The following SFR1 variants were observed in gnomAD, a reference collection of about 807,000 sequenced individuals.
SFR1 encodes the protein swi5-dependent recombination DNA repair protein 1 homolog.
Under a neutral mutation model 26.2 loss-of-function variants are expected in SFR1, and 24 were observed. The ratio of observed to expected loss-of-function variants is 0.92; its 90% CI spans 0.66 to 1.29. The LOEUF is 1.29. Ranked by LOEUF, SFR1 falls within the 50% of genes most tolerant of loss-of-function variation. The pLI, the probability that SFR1 is intolerant of heterozygous loss-of-function variation, is 0.00. For missense variants in SFR1, 276 were observed against 270.2 expected (o/e 1.02, Z -0.15); for synonymous variants, 77 against 96.6 (o/e 0.80, Z 1.19).
chr10:104,122,633 T>A, intron 1 of SFR1: 1 of 1,313,278 alleles, frequency 7.6e-7, no homozygotes, highest in Non-Finnish European at 9.7e-7. Context: ...GAAGCTGTCA[T>A]AATAAAGAAT....
chr10:104,121,749 A>G (rs1486088056), upstream of SFR1, among the ~76,000 whole-genome samples: 1 of 152,180 alleles, frequency 6.6e-6, no homozygotes, highest in Admixed American at 6.5e-5. Flanking sequence ...AGACGCACAA[A>G]AACAAGGAAG....
rs1389108470 is a variant in SFR1 at position 104,126,047 on chromosome 10, A to G, written c.*343A>G. On this transcript the variant is annotated 3_prime_UTR_variant, in exon 4 of 4. Transcript: ENST00000369727. The stretch of plus-strand genomic sequence containing the variant: ...CCCAAAACCATTAGGGCTCAGAGGA[A>G]GGTATCCCAATGAATATCAATTAAG... The G allele has an allele frequency of 6.3e-6, 1 of 158,288 alleles. No homozygotes were observed. The highest frequency in any genetic ancestry group is 1.4e-5 in the Non-Finnish European group (1 of 72,082). The allele number at this position is 158,288 out of a possible 1,614,324, so 9.8% of individuals were successfully genotyped here.
intron 1 of SFR1, chr10:104,122,426 C>T (rs991362139): frequency 8.1e-6 from 8 of 985,422 alleles, no homozygotes; most frequent in Non-Finnish European, 9.6e-6. Context: ...CAATTTCAGT[C>T]CACTCTCCTT....
intron 1 of SFR1, chr10:104,122,407 C>G: frequency 1.0e-6 from 1 of 985,396 alleles, no homozygotes; most frequent in Non-Finnish European, 1.2e-6. Flanking sequence ...ATGCCTTTGT[C>G]GGAGGAAGCA....
Position 104,122,948 on chromosome 10 carries a change from T to C in SFR1, c.14-17T>C. On this transcript the variant is annotated splice_polypyrimidine_tract_variant and intron_variant, in intron 1 of 3. Coordinates refer to ENST00000369727, the MANE Select transcript of SFR1 (RefSeq NM_001002759.2). Reference sequence around the variant, plus strand: ...AGGTGTGGTTAATTCGATTATTTTATAATTTTTCTTTTTTAGAGAAAAACC... The same window carrying C: ...AGGTGTGGTTAATTCGATTATTTTACAATTTTTCTTTTTTAGAGAAAAACC... 2 of 1,610,720 alleles carry C rather than the reference T, an allele frequency of 1.2e-6. No individual in the cohort carries two copies. Among genetic ancestry groups the C allele is most frequent in the Non-Finnish European group, 1.7e-6 (2 of 1,177,654 alleles).
Position 104,122,173 on chromosome 10 carries a change from T to A in SFR1, c.-11T>A. 2.6e-6 allele frequency: 4 copies of A among 1,549,068 alleles called. No individual in the cohort carries two copies. Among genetic ancestry groups the A allele is most frequent in the Non-Finnish European group, 3.5e-6 (4 of 1,146,312 alleles). ...GCCGCAGGTGCGCGCGCTTTTTTGC[T>A]CTCGCTGGGAATGGCGGAGGGAGGT... On this transcript the variant is annotated 5_prime_UTR_variant, in exon 1 of 4. Coordinates refer to ENST00000369727, the MANE Select transcript of SFR1 (RefSeq NM_001002759.2).
At chr10:104,123,168 G>T (rs2086986198) in intron 2 of SFR1, 82 bp downstream of exon 2, 2 of 1,118,328 alleles carry the variant, frequency 1.8e-6, no homozygotes. Context: ...TCTACGGAAG[G>T]TTGTTAATTA....
chr10:104,123,364 T>C, intron 2 of SFR1: 1 of 402,860 alleles, frequency 2.5e-6, no homozygotes, highest in Non-Finnish European at 4.4e-6. Context: ...TGCAATATTA[T>C]TATGAAGGTC....
intron 1 of SFR1, 51 bp downstream of exon 1, chr10:104,122,247 A>T: frequency 6.6e-7 from 1 of 1,512,388 alleles, no homozygotes; most frequent in Non-Finnish European, 8.9e-7. Context: ...CTTCCCCGGG[A>T]GTCGGCTGTG....
At chr10:104,122,368 C>G (rs1589591844) in intron 1 of SFR1, 172 bp downstream of exon 1, 2 of 985,286 alleles carry the variant, frequency 2.0e-6, no homozygotes, top group East Asian at 2.3e-4. Flanking sequence ...GGGGACGACT[C>G]CCGCCCCTAG....
In SFR1 at chr10:104,123,992, C is replaced by G. The variant is rs548424504; in HGVS notation, c.414C>G (p.Leu138=). Residue 138 remains leucine (L), a synonymous_variant, in exon 3 of 4, where the codon CTC becomes CTG. Transcript: ENST00000369727. The stretch of plus-strand genomic sequence containing the variant: ...TTGATTCTGGATCATGCAGTGCTCT[C>G]CAAAATGAGTTTGTGAGTGAGAAGC... The part of the protein sequence containing the change: ...QSLDSGSCSA[L]QNEFVSEKLP... 1.9e-6 allele frequency: 3 copies of G among 1,613,958 alleles called. No individual in the cohort carries two copies. The African/African-American group carries it at 4.0e-5, about 22-fold the overall frequency.
upstream of SFR1, among the ~76,000 whole-genome samples, chr10:104,121,406 G>C (rs937499407): frequency 2.3e-4 from 35 of 152,158 alleles, no homozygotes; most frequent in African/African-American, 8.2e-4. Context: ...CTAGCGATGA[G>C]CTCAGCTAAA....
intron 1 of SFR1, 50 bp downstream of exon 1, chr10:104,122,246 G>C: frequency 4.6e-6 from 7 of 1,513,400 alleles, no homozygotes; most frequent in Non-Finnish European, 6.2e-6. Context: ...GCTTCCCCGG[G>C]AGTCGGCTGT....
rs542039745 is a variant in SFR1, at chr10:104,125,441, A to G, written c.547-72A>G. The G allele has an allele frequency of 4.6e-5, 57 of 1,245,922 alleles. No individual in the cohort carries two copies. In the Admixed American group the frequency reaches 7.3e-4, roughly 16 times the overall value. The allele number at this position is 1,245,922 out of a possible 1,614,324, so 77.2% of individuals were successfully genotyped here. On this transcript the variant is annotated intron_variant, in intron 3 of 3. Transcript: ENST00000369727. ...TAGCCTTTAAACCTGCACATCCACT[A>G]ATTTAACAACTTTAATTAAGTTGAA...
At chr10:104,122,564 G>A (rs2086976991) in intron 1 of SFR1, 1 of 985,310 alleles carries the variant, frequency 1.0e-6, no homozygotes, top group Admixed American at 6.1e-5. Context: ...TTCAGGATGG[G>A]TGACATTCAG....
Position 104,123,715 on chromosome 10 carries a change from C to T in SFR1, c.137C>T (p.Pro46Leu). 6.3e-7 allele frequency: 1 copy of T among 1,579,450 alleles called. No individual in the cohort carries two copies. The highest frequency in any genetic ancestry group is 8.6e-7 in the Non-Finnish European group (1 of 1,165,994). The change falls in exon 3 of 4, where the codon CCT (proline) becomes CTT (leucine). Residue 46 changes from proline to leucine, a missense_variant and splice_region_variant. Coordinates refer to ENST00000369727, the MANE Select transcript of SFR1 (RefSeq NM_001002759.2). ...TTTAATGTTTTGTGCTCTTTATAGCCTATGAGTGCAACACTTAGAGAAAGA... is the reference window on the plus strand; with the variant it reads ...TTTAATGTTTTGTGCTCTTTATAGCTTATGAGTGCAACACTTAGAGAAAGA... ...SPYTNSSRKQ[P>L]MSATLRERLR...
rs2086979851 is a variant in SFR1 at position 104,122,798 on chromosome 10, T to C, written c.14-167T>C. 7 of 1,524,212 alleles carry C rather than the reference T, an allele frequency of 4.6e-6. No individual in the cohort carries two copies. In the Admixed American group the frequency reaches 1.4e-4, roughly 31 times the overall value. 94.4% of individuals were successfully genotyped at this position (1,524,212 alleles called of 1,614,324 possible). A position where few individuals can be genotyped will look rare whatever the true frequency, so the allele number is the denominator to read the frequency against. On this transcript the variant is annotated intron_variant, in intron 1 of 3. Coordinates refer to ENST00000369727, the MANE Select transcript of SFR1 (RefSeq NM_001002759.2). ...ACTTAGTGGTCCCTATGTGGGAAGG[T>C]AAATGGAAAACTGCAAAAAGAGCAA...
upstream of SFR1, among the ~76,000 whole-genome samples, chr10:104,120,849 T>G (rs1001548800): frequency 6.6e-6 from 1 of 152,214 alleles, no homozygotes; most frequent in Non-Finnish European, 1.5e-5. Flanking sequence ...TTATTATACC[T>G]GACTGCTTAA....
upstream of SFR1, among the ~76,000 whole-genome samples, chr10:104,121,626 C>A (rs2086961762): frequency 6.6e-6 from 1 of 152,204 alleles, no homozygotes; most frequent in Admixed American, 6.5e-5. Flanking sequence ...GGCCGCCCCA[C>A]GTCTGAGTAA....
Sources: gnomAD v4.1 joint callset for allele counts (sites outside exome capture counted in the v4.1 genomes callset) on GRCh38, gnomAD v4.1.1 for gene constraint, MANE v1.5 for transcripts, NCBI Gene and HGNC (gene_info 2026-07-23, HGNC 2026-07-21) for gene names.